The following PIP4P2 variants were observed in gnomAD, a reference collection of about 807,000 sequenced individuals.
PIP4P2 encodes the protein type 2 phosphatidylinositol 4,5-bisphosphate 4-phosphatase.
A neutral mutation model predicts 33.3 loss-of-function variants in PIP4P2; 19 were observed. The ratio of observed to expected loss-of-function variants is 0.57; its 90% CI spans 0.40 to 0.84. PIP4P2 has a LOEUF of 0.84. Ranked by LOEUF, PIP4P2 falls within the 40% of genes least tolerant of loss-of-function variation. The probability of loss-of-function intolerance (pLI) is 0.00; values close to 1 mark genes in which losing one functional copy is unlikely to be tolerated. For synonymous variants in PIP4P2, 110 were observed against 111.9 expected, an observed-to-expected ratio of 0.98 and a Z score of 0.11; for missense variants, 270 against 324.7, an observed-to-expected ratio of 0.83 and a Z score of 1.29.
At chr8:91,004,653 G>A (rs1029621479) in intron 5 of PIP4P2, among the ~76,000 whole-genome samples, 1 of 152,176 alleles carries the variant, frequency 6.6e-6, no homozygotes, top group African/African-American at 2.4e-5. Flanking sequence ...TTATTCCAAA[G>A]AGAATGGGGT....
chr8:91,019,333 T>G (rs1586181193), intron 3 of PIP4P2, among the ~76,000 whole-genome samples: 1 of 132,192 alleles, frequency 7.6e-6, no homozygotes, highest in African/African-American at 2.9e-5. Flanking sequence ...CCCAGCACTT[T>G]GGGATCACTT....
intron 1 of PIP4P2, among the ~76,000 whole-genome samples, chr8:91,024,731 T>C (rs756380367): frequency 2.0e-5 from 3 of 152,178 alleles, no homozygotes; most frequent in Non-Finnish European, 2.9e-5. Flanking sequence ...AAAGTCTTAC[T>C]TGTTATCTAA....
At chr8:91,039,204 A>G (rs1812273163) in intron 1 of PIP4P2, among the ~76,000 whole-genome samples, 1 of 152,222 alleles carries the variant, frequency 6.6e-6, no homozygotes, top group Non-Finnish European at 1.5e-5. Context: ...TCTATTCTAC[A>G]TAATACGATT....
intron 5 of PIP4P2, among the ~76,000 whole-genome samples, chr8:91,004,386 C>T (rs1235642089): frequency 1.3e-5 from 2 of 151,966 alleles, no homozygotes; most frequent in Admixed American, 1.3e-4. Context: ...CAGATCTTCT[C>T]CATTCAGTCC....
chr8:91,040,538 A>C lies in PIP4P2; in HGVS notation c.106+106T>G, dbSNP rs544081143. On this transcript the variant is annotated intron_variant, in intron 1 of 6. Coordinates refer to ENST00000285419, the MANE Select transcript of PIP4P2 (RefSeq NM_018710.3). The stretch of plus-strand genomic sequence containing the variant: ...AGCATCCTTCCTCAGCCCAAGCGAG[A>C]GGCTCACCTCCACCTCCAAGCTAGA... 92 of 1,300,470 alleles carry C rather than the reference A, an allele frequency of 7.1e-5. No homozygotes were observed. The South Asian group carries it at 1.1e-3, about 16-fold the overall frequency. The allele number at this position is 1,300,470 out of a possible 1,614,324, so 80.6% of individuals were successfully genotyped here.
chr8:91,039,162 GA>G (rs1408013629), intron 1 of PIP4P2, among the ~76,000 whole-genome samples: 1 of 152,166 alleles, frequency 6.6e-6, no homozygotes, highest in African/African-American at 2.4e-5. Flanking sequence ...CTGACTTGAT[GA>G]AGTTGAAACA....
intron 2 of PIP4P2, 67 bp downstream of exon 2, chr8:91,021,189 G>T: frequency 1.3e-6 from 2 of 1,560,500 alleles, no homozygotes; most frequent in Non-Finnish European, 8.8e-7. Context: ...CATTATTGAA[G>T]TACTTCCTTT....
rs77003979 is a variant in PIP4P2, at chr8:90,997,601, T to C, written c.540-857A>G. On this transcript the variant is annotated intron_variant, in intron 5 of 6. Transcript: ENST00000285419. ...AATTGTGGTAATTTTCAAAATGATATAAGTTATAGCAGAGATTAGTAGCCA... is the reference window on the plus strand; with the variant it reads ...AATTGTGGTAATTTTCAAAATGATACAAGTTATAGCAGAGATTAGTAGCCA... Among the ~76,000 whole-genome samples, 342 of 152,232 alleles carry C rather than the reference T, an allele frequency of 2.2e-3. 2 individuals carry two copies. Among genetic ancestry groups the C allele is most frequent in the South Asian group, 5.2e-3 (25 of 4,828 alleles).
intron 4 of PIP4P2, among the ~76,000 whole-genome samples, chr8:91,009,690 C>T (rs1811805236): frequency 6.6e-6 from 1 of 151,774 alleles, no homozygotes; most frequent in Non-Finnish European, 1.5e-5. Context: ...ACGGGGGTTT[C>T]AATAACTTAT....
At chr8:91,033,438 A>G (rs148039350) in intron 1 of PIP4P2, among the ~76,000 whole-genome samples, 160 of 152,284 alleles carry the variant, frequency 1.1e-3, no homozygotes, top group African/African-American at 3.5e-3. Context: ...TTTAAAATAC[A>G]TCCTGACACC....
chr8:91,024,412 G>T, intron 1 of PIP4P2: 1 of 370,684 alleles, frequency 2.7e-6, no homozygotes, highest in Middle Eastern at 8.5e-4. Flanking sequence ...ATTAATAATT[G>T]GATTATTATA....
intron 4 of PIP4P2, among the ~76,000 whole-genome samples, chr8:91,016,198 T>C (rs993986045): frequency 2.0e-5 from 3 of 152,026 alleles, no homozygotes; most frequent in Non-Finnish European, 4.4e-5. Context: ...AAACAAAGGC[T>C]CCTAGAAATT....
At chr8:91,013,571 A>G (rs1243156248) in intron 4 of PIP4P2, among the ~76,000 whole-genome samples, 2 of 152,112 alleles carry the variant, frequency 1.3e-5, no homozygotes, top group African/African-American at 4.8e-5. Context: ...GTCTCATTCT[A>G]TCACCCAGGC....
At chr8:91,039,211 G>C (rs1812273346) in intron 1 of PIP4P2, among the ~76,000 whole-genome samples, 1 of 152,112 alleles carries the variant, frequency 6.6e-6, no homozygotes, top group Admixed American at 6.6e-5. Context: ...TACATAATAC[G>C]ATTTAGATAA....
At chr8:91,024,329 T>C (rs1325815190) in intron 1 of PIP4P2, 7 of 441,570 alleles carry the variant, frequency 1.6e-5, no homozygotes, top group Admixed American at 7.1e-5. Flanking sequence ...TCCTCTTATA[T>C]GGGACTTGTA....
intron 1 of PIP4P2, among the ~76,000 whole-genome samples, chr8:91,040,415 CCAT>C (rs1192502032): frequency 1.9e-4 from 9 of 48,226 alleles, no homozygotes; most frequent in South Asian, 1.4e-3. Flanking sequence ...ACCACCACCA[CCAT>C]CACCACCACC....
At chr8:91,005,315 TC>T (rs1208383437) in intron 5 of PIP4P2, among the ~76,000 whole-genome samples, 3 of 152,154 alleles carry the variant, frequency 2.0e-5, no homozygotes, top group Non-Finnish European at 2.9e-5. Context: ...ACATCTATAC[TC>T]TGACTCCTTT....
At chr8:91,014,619 A>G (rs1811887261) in intron 4 of PIP4P2, among the ~76,000 whole-genome samples, 1 of 152,132 alleles carries the variant, frequency 6.6e-6, no homozygotes, top group South Asian at 2.1e-4. Flanking sequence ...GATTTTAGTC[A>G]AAGAGTACAA....
chr8:91,040,817 T>TGCTGCTGCCTCTGCTGCC lies in PIP4P2; in HGVS notation c.-86_-69dup, dbSNP rs1554584003. 27 of 1,401,754 alleles carry TGCTGCTGCCTCTGCTGCC rather than the reference T, an allele frequency of 1.9e-5. No homozygotes were observed. Among genetic ancestry groups the TGCTGCTGCCTCTGCTGCC allele is most frequent in the Non-Finnish European group, 2.3e-5 (23 of 1,016,054 alleles). 86.8% of individuals were successfully genotyped at this position (1,401,754 alleles called of 1,614,324 possible). A position where few individuals can be genotyped will look rare whatever the true frequency, so the allele number is the denominator to read the frequency against. Reference sequence around the variant, plus strand: ...GCGGCCTCGGCGGAGTGGTGGCTACTGCTGCTGCCTCTGCTGCCGCTGCTG... The same window carrying TGCTGCTGCCTCTGCTGCC: ...GCGGCCTCGGCGGAGTGGTGGCTACTGCTGCTGCCTCTGCTGCCGCTGCTGCCTCTGCTGCCGCTGCTG... On this transcript the variant is annotated 5_prime_UTR_variant, in exon 1 of 7. Coordinates refer to ENST00000285419, the MANE Select transcript of PIP4P2 (RefSeq NM_018710.3).
Sources: allele counts gnomAD v4.1 joint callset (sites outside exome capture counted in the v4.1 genomes callset), GRCh38; gene constraint gnomAD v4.1.1; transcripts MANE v1.5; gene names NCBI Gene and HGNC (gene_info 2026-07-23, HGNC 2026-07-21).